The following PELI1 variants were observed in gnomAD, a reference collection of about 807,000 sequenced individuals.
The protein encoded by PELI1 is E3 ubiquitin-protein ligase pellino homolog 1.
Under a neutral mutation model 41.3 loss-of-function variants are expected in PELI1, and 15 were observed. The ratio of observed to expected loss-of-function variants is 0.36; its 90% CI spans 0.24 to 0.56. The LOEUF is 0.56. Ranked by LOEUF, PELI1 falls within the 20% of genes least tolerant of loss-of-function variation. The probability of loss-of-function intolerance (pLI) is 0.82; values close to 1 mark genes in which losing one functional copy is unlikely to be tolerated. For synonymous variants in PELI1, 178 were observed against 180.1 expected (o/e 0.99, Z 0.09); for missense variants, 403 against 525.5 (o/e 0.77, Z 2.28).
At chr2:64,103,361 AT>A (rs1196065403) in intron 3 of PELI1, among the ~76,000 whole-genome samples, 1 of 152,100 alleles carries the variant, frequency 6.6e-6, no homozygotes, top group Non-Finnish European at 1.5e-5. Flanking sequence ...TATGCTGTGC[AT>A]TTTTTGGCTG....
At chr2:64,137,106 G>A (rs1681742198) in intron 1 of PELI1, among the ~76,000 whole-genome samples, 1 of 152,088 alleles carries the variant, frequency 6.6e-6, no homozygotes, top group South Asian at 2.1e-4. Context: ...CATGTATATT[G>A]TCCTGAGAGT....
chr2:64,138,138 T>C (rs1370206463), intron 1 of PELI1, among the ~76,000 whole-genome samples: 1 of 152,154 alleles, frequency 6.6e-6, no homozygotes, highest in Non-Finnish European at 1.5e-5. Flanking sequence ...GATCTGGTTA[T>C]GCTGCTCAGA....
chr2:64,124,477 G>C (rs1681325237), intron 1 of PELI1, among the ~76,000 whole-genome samples: 1 of 152,078 alleles, frequency 6.6e-6, no homozygotes, highest in Admixed American at 6.5e-5. Context: ...AAAAATTCTA[G>C]ATACTGTTAA....
rs573090599 is a variant in PELI1, at chr2:64,093,760, T to C, written c.*942A>G. 1.3e-5 allele frequency: 2 copies of C among 152,772 alleles called. No individual in the cohort carries two copies. The highest frequency in any genetic ancestry group is 4.1e-4 in the South Asian group (2 of 4,826). 9.5% of individuals were successfully genotyped at this position (152,772 alleles called of 1,614,324 possible). On this transcript the variant is annotated 3_prime_UTR_variant, in exon 7 of 7. Coordinates refer to ENST00000358912, the MANE Select transcript of PELI1 (RefSeq NM_020651.4). ...TTTCTTTTTCCAAAAGCAAATCAAG[T>C]CACTCTCCTTTCTTGCTAATTTATA...
chr2:64,127,774 G>A (rs1355856319), intron 1 of PELI1, among the ~76,000 whole-genome samples: 1 of 152,092 alleles, frequency 6.6e-6, no homozygotes, highest in East Asian at 1.9e-4. Context: ...GAAAATCTAG[G>A]TGGTTGTCTC....
At chr2:64,107,973 C>T (rs553356368) in intron 2 of PELI1, among the ~76,000 whole-genome samples, 2 of 152,158 alleles carry the variant, frequency 1.3e-5, no homozygotes, top group East Asian at 1.9e-4. Flanking sequence ...CCACCATGCC[C>T]GGACTTTCCA....
At chr2:64,119,308 C>CTTTGCAAA (rs1681125197) in intron 1 of PELI1, among the ~76,000 whole-genome samples, 1 of 152,304 alleles carries the variant, frequency 6.6e-6, no homozygotes, top group African/African-American at 2.4e-5. Context: ...AAATTATTCC[C>CTTTGCAAA]TTTGCAAGCT....
At chr2:64,139,770 C>T (rs1470299336) in intron 1 of PELI1, among the ~76,000 whole-genome samples, 3 of 152,158 alleles carry the variant, frequency 2.0e-5, no homozygotes, top group Non-Finnish European at 2.9e-5. Context: ...AAAAGTCCAC[C>T]GCTCACCAAC....
intron 1 of PELI1, chr2:64,143,097 A>G (rs1681966296): frequency 4.6e-5 from 7 of 152,178 alleles, no homozygotes; most frequent in Admixed American, 4.6e-4. Flanking sequence ...AGTGATTAAA[A>G]TCTGTTAAAT....
Position 64,109,885 on chromosome 2 carries a change from T to C in PELI1, c.-69-1506A>G, listed in dbSNP as rs369791562. 9.9e-5 allele frequency among the ~76,000 whole-genome samples: 15 copies of C among 152,168 alleles called. No homozygotes were observed. The East Asian group carries it at 1.7e-3, about 18-fold the overall frequency. ...CCTTATAGACCCGTGCGTGAGACTA[T>C]AGCAAAATCTAACACGTGTGTCACT... is the stretch of plus-strand genomic sequence containing the variant. On this transcript the variant is annotated intron_variant, in intron 1 of 6. Coordinates refer to ENST00000358912, the MANE Select transcript of PELI1 (RefSeq NM_020651.4).
At chr2:64,141,891 C>A (rs1270263372) in intron 1 of PELI1, among the ~76,000 whole-genome samples, 2 of 152,216 alleles carry the variant, frequency 1.3e-5, no homozygotes, top group African/African-American at 2.4e-5. Flanking sequence ...TGAGCCAAGA[C>A]AGTGTTAGTA....
chr2:64,114,360 C>T (rs1680920966), intron 1 of PELI1, among the ~76,000 whole-genome samples: 1 of 152,150 alleles, frequency 6.6e-6, no homozygotes, highest in African/African-American at 2.4e-5. Context: ...TAATCACCTT[C>T]TTCATTCTTT....
chr2:64,116,371 G>A (rs912988396), intron 1 of PELI1, among the ~76,000 whole-genome samples: 7 of 152,172 alleles, frequency 4.6e-5, no homozygotes, highest in African/African-American at 1.7e-4. Flanking sequence ...AAGTCCTCTA[G>A]GTTTAACCAT....
chr2:64,125,827 G>GT (rs753100094), intron 1 of PELI1, among the ~76,000 whole-genome samples: 24 of 152,172 alleles, frequency 1.6e-4, no homozygotes, highest in Non-Finnish European at 2.6e-4. Context: ...ACACGACATC[G>GT]TAAGTGGAAA....
chr2:64,125,421 A>AG (rs747076379), intron 1 of PELI1, among the ~76,000 whole-genome samples: 20 of 152,226 alleles, frequency 1.3e-4, no homozygotes, highest in Non-Finnish European at 2.6e-4. Flanking sequence ...ACAGCGTGGT[A>AG]GAAAGACCAA....
chr2:64,103,779 T>A (rs1300607306), intron 3 of PELI1, among the ~76,000 whole-genome samples: 1 of 152,216 alleles, frequency 6.6e-6, no homozygotes, highest in Non-Finnish European at 1.5e-5. Flanking sequence ...GTTTATTTAA[T>A]TTACAAAGAT....
chr2:64,113,798 T>C (rs1013031653), intron 1 of PELI1, among the ~76,000 whole-genome samples: 2 of 152,312 alleles, frequency 1.3e-5, no homozygotes, highest in Middle Eastern at 3.4e-3. Context: ...ATTATTTTCA[T>C]ATCAAGTCTT....
chr2:64,139,829 G>C (rs1290454484), intron 1 of PELI1, among the ~76,000 whole-genome samples: 1 of 152,110 alleles, frequency 6.6e-6, no homozygotes, highest in East Asian at 1.9e-4. Flanking sequence ...TTTGAACAAG[G>C]ACTCCCAGTT....
intron 1 of PELI1, among the ~76,000 whole-genome samples, chr2:64,140,467 ATTC>A (rs1228180564): frequency 1.3e-5 from 2 of 152,148 alleles, no homozygotes; most frequent in Admixed American, 1.3e-4. Flanking sequence ...AAAATTGTCA[ATTC>A]TTCTTAAGAG....
Sources: allele counts gnomAD v4.1 joint callset (sites outside exome capture counted in the v4.1 genomes callset), GRCh38; gene constraint gnomAD v4.1.1; transcripts MANE v1.5; gene names NCBI Gene and HGNC (gene_info 2026-07-23, HGNC 2026-07-21).